The following ADGRD1 variants were observed in gnomAD, a reference collection of about 807,000 sequenced individuals.
ADGRD1 encodes the protein G-protein coupled receptor 133.
ADGRD1 carries 77 observed loss-of-function variants against 113.4 expected under a neutral mutation model. The observed-to-expected ratio is 0.68, with a 90% CI of 0.57 to 0.82. The LOEUF (loss-of-function observed/expected upper bound fraction) is 0.82. Among genes scored for constraint, ADGRD1 ranks in the 40% least tolerant of loss-of-function variants. ADGRD1 has a pLI of 0.00. For synonymous variants in ADGRD1, 474 were observed against 475.0 expected (o/e 1.00, Z 0.03); for missense variants, 1,036 against 1,139.1 (o/e 0.91, Z 1.30).
At chr12:130,960,597 ATAGT>A (rs1054076936) in intron 2 of ADGRD1, among the ~76,000 whole-genome samples, 3 of 151,828 alleles carry the variant, frequency 2.0e-5, no homozygotes, top group African/African-American at 4.8e-5. Flanking sequence ...TTCTACCTGT[ATAGT>A]TAGTTTTTAA....
chr12:131,036,364 T>C (rs1302635050), intron 13 of ADGRD1, among the ~76,000 whole-genome samples: 1 of 146,508 alleles, frequency 6.8e-6, no homozygotes, highest in East Asian at 2.1e-4. Context: ...ACTCACTGCA[T>C]GGGGCCTCAC....
At chr12:131,058,860 C>T (rs539025777) in intron 13 of ADGRD1, among the ~76,000 whole-genome samples, 34 of 152,238 alleles carry the variant, frequency 2.2e-4, no homozygotes, top group South Asian at 1.7e-3. Context: ...TCAGGTTTTC[C>T]GGTTTGAGTT....
chr12:131,121,839 T>G (rs1950602921), intron 20 of ADGRD1: 1 of 152,372 alleles, frequency 6.6e-6, no homozygotes, highest in South Asian at 2.1e-4. Flanking sequence ...TTCCCAGCAC[T>G]CCCATCGCAA....
At chr12:131,036,293 T>TGGGTCTCACTCACTGCACC (rs1881372627) in intron 13 of ADGRD1, among the ~76,000 whole-genome samples, 2 of 147,378 alleles carry the variant, frequency 1.4e-5, no homozygotes, top group African/African-American at 5.1e-5. Flanking sequence ...CTCACTGCAC[T>TGGGTCTCACTCACTGCACC]GGGCCTCACT....
intron 14 of ADGRD1, among the ~76,000 whole-genome samples, chr12:131,083,340 G>A (rs1478849847): frequency 6.6e-6 from 1 of 151,502 alleles, no homozygotes; most frequent in Admixed American, 6.6e-5. Context: ...AGTGGCTCAC[G>A]CCTATAATCC....
intron 2 of ADGRD1, among the ~76,000 whole-genome samples, chr12:130,964,507 GAA>G (rs1870782335): frequency 6.6e-6 from 1 of 152,104 alleles, no homozygotes; most frequent in African/African-American, 2.4e-5. Context: ...CCAACATGGT[GAA>G]ACCCCGTCTC....
At chr12:130,997,351 C>T (rs1875677308) in intron 8 of ADGRD1, among the ~76,000 whole-genome samples, 1 of 151,118 alleles carries the variant, frequency 6.6e-6, no homozygotes. Context: ...GGCGGAGACG[C>T]TCCTCACTTC....
rs1393557241 is a variant in ADGRD1 at position 131,060,198 on chromosome 12, G to A, written c.1474-16603G>A. Among the ~76,000 whole-genome samples the A allele has an allele frequency of 2.0e-5, 3 of 152,320 alleles. No individual in the cohort carries two copies. Among genetic ancestry groups the A allele is most frequent in the East Asian group, 3.9e-4 (2 of 5,182 alleles). On this transcript the variant is annotated intron_variant, in intron 13 of 24. Coordinates refer to ENST00000261654, the MANE Select transcript of ADGRD1 (RefSeq NM_198827.5). This position sits in a 1 kb window ranked among gnomAD's most constrained non-coding sequence, Gnocchi z 4.4. ...TGCTTCTCCCCATGGCTTCACACTC[G>A]GTCTTCTCCAGTGCCACCTCCCTGG... is the stretch of plus-strand genomic sequence containing the variant.
At chr12:131,007,952 T>C (rs752049832) in intron 12 of ADGRD1, among the ~76,000 whole-genome samples, 1 of 152,192 alleles carries the variant, frequency 6.6e-6, no homozygotes, top group Admixed American at 6.5e-5. Flanking sequence ...CTGTGTACCT[T>C]GTACCTGTAG....
At chr12:131,014,377 G>C (rs376153673) in intron 13 of ADGRD1, 37 bp downstream of exon 13, 81 of 1,587,242 alleles carry the variant, frequency 5.1e-5, no homozygotes, top group Non-Finnish European at 6.8e-5. Context: ...CGCCGCCTTT[G>C]ATCTGGTTTC....
chr12:130,965,004 G>A lies in ADGRD1; in HGVS notation c.104-1459G>A, dbSNP rs150355943. On this transcript the variant is annotated intron_variant, in intron 2 of 24. Coordinates refer to ENST00000261654, the MANE Select transcript of ADGRD1 (RefSeq NM_198827.5). The surrounding 1 kb of genome is among the most constrained non-coding windows in gnomAD (Gnocchi z 4.8). Reference sequence around the variant, plus strand: ...ACTCATAGATTAAAGTATAGTTTACGACATTGAGTCGGCTTTTCCAAGAAT... The same window carrying A: ...ACTCATAGATTAAAGTATAGTTTACAACATTGAGTCGGCTTTTCCAAGAAT... Among the ~76,000 whole-genome samples, 367 of 152,266 alleles carry A rather than the reference G, an allele frequency of 2.4e-3. 3 individuals carry two copies. Among genetic ancestry groups the A allele is most frequent in the African/African-American group, 8.1e-3 (338 of 41,562 alleles).
At chr12:130,988,513 T>G (rs894976398) in intron 6 of ADGRD1, 33 of 152,218 alleles carry the variant, frequency 2.2e-4, no homozygotes, top group Admixed American at 7.9e-4. Flanking sequence ...GTTAGGACCC[T>G]ATTGATTGCA....
intron 12 of ADGRD1, among the ~76,000 whole-genome samples, chr12:131,008,144 T>C (rs1323776240): frequency 2.0e-5 from 3 of 152,366 alleles, no homozygotes; most frequent in South Asian, 4.1e-4. Context: ...ATGGTGTAAG[T>C]AGGGCTTGGT....
intron 15 of ADGRD1, among the ~76,000 whole-genome samples, chr12:131,099,965 T>C (rs545814742): frequency 3.7e-4 from 56 of 152,142 alleles, no homozygotes; most frequent in Admixed American, 3.1e-3. Flanking sequence ...GTGGGGTTGG[T>C]TGATGGTGAG....
intron 4 of ADGRD1, among the ~76,000 whole-genome samples, chr12:130,974,834 C>T (rs1196996595): frequency 6.6e-6 from 1 of 151,970 alleles, no homozygotes. Flanking sequence ...TCCCGGCCCT[C>T]CCTCCACCCC....
rs927834658 is a variant in ADGRD1, at chr12:130,982,083, C to G, written c.490+20C>G. The G allele has an allele frequency of 1.9e-5, 30 of 1,605,482 alleles. No homozygotes were observed. The highest frequency in any genetic ancestry group is 2.5e-5 in the Non-Finnish European group (29 of 1,174,512). On this transcript the variant is annotated intron_variant, in intron 5 of 24. Coordinates refer to ENST00000261654, the MANE Select transcript of ADGRD1 (RefSeq NM_198827.5). ...CCCCAGGTGAGTGACAGCATCGGTC[C>G]CGGGAGGCTCTGCCTGGAGGAGTGG... is the stretch of plus-strand genomic sequence containing the variant.
intron 15 of ADGRD1, among the ~76,000 whole-genome samples, chr12:131,100,362 T>C (rs1261778059): frequency 1.3e-5 from 2 of 151,388 alleles, no homozygotes; most frequent in East Asian, 3.9e-4. Context: ...GTTTGGTTGA[T>C]GTTCAGGTTG....
At chr12:131,014,451 G>T in intron 13 of ADGRD1, 111 bp downstream of exon 13, 2 of 933,094 alleles carry the variant, frequency 2.1e-6, no homozygotes, top group Admixed American at 5.2e-5. Flanking sequence ...CTTGGTGCCG[G>T]CCCGAACTGG....
intron 13 of ADGRD1, among the ~76,000 whole-genome samples, chr12:131,037,341 C>T (rs112259628): frequency 0.011 from 657 of 61,580 alleles, 12 homozygotes; most frequent in Admixed American, 0.063. Context: ...CTCACTGCAC[C>T]GGGCCTCACT....
Sources: gnomAD v4.1 joint callset for allele counts (sites outside exome capture counted in the v4.1 genomes callset) on GRCh38, gnomAD v4.1.1 for gene constraint, Gnocchi (gnomAD v3.1) non-coding constraint, MANE v1.5 for transcripts, NCBI Gene and HGNC (gene_info 2026-07-23, HGNC 2026-07-21) for gene names.